Variants in TRHDE observed in about 807,000 individuals in gnomAD.
TRHDE encodes the protein thyrotropin-releasing hormone-degrading ectoenzyme.
TRHDE carries 72 observed loss-of-function variants against 125.7 expected under a neutral mutation model. The observed-to-expected ratio is 0.57, with a 90% CI of 0.47 to 0.70. The LOEUF (loss-of-function observed/expected upper bound fraction) is 0.70, where lower values mean the gene tolerates loss of function less well. Ranked by LOEUF, TRHDE falls within the 30% of genes least tolerant of loss-of-function variation. The pLI, the probability that TRHDE is intolerant of heterozygous loss-of-function variation, is 0.00. For synonymous variants in TRHDE, 509 were observed against 509.1 expected, an observed-to-expected ratio of 1.00 and a Z score of 0.00; for missense variants, 1,110 against 1,327.1, an observed-to-expected ratio of 0.84 and a Z score of 2.54.
chr12:72,504,270 T>C (rs1019551802), intron 6 of TRHDE, among the ~76,000 whole-genome samples: 1 of 151,992 alleles, frequency 6.6e-6, no homozygotes, highest in Admixed American at 6.6e-5. Flanking sequence ...AAGCTGGATA[T>C]GAACTTGGAA....
At chr12:72,274,531 C>A (rs925618968) in intron 1 of TRHDE, 3 of 152,204 alleles carry the variant, frequency 2.0e-5, no homozygotes, top group Admixed American at 2.0e-4. Context: ...CCTGACATGA[C>A]TACTTCTAGT....
At chr12:72,161,920 A>C (rs1021895011) in intron 2 of TRHDE, among the ~76,000 whole-genome samples, 9 of 152,226 alleles carry the variant, frequency 5.9e-5, no homozygotes, top group African/African-American at 1.9e-4. Context: ...AGTATATTGC[A>C]TATTATGCCT....
chr12:72,643,250 A>AG (rs1467416158), intron 15 of TRHDE, among the ~76,000 whole-genome samples: 1 of 152,186 alleles, frequency 6.6e-6, no homozygotes, highest in African/African-American at 2.4e-5. Flanking sequence ...TGATATTTTG[A>AG]GGATTTGTAG....
intron 2 of TRHDE, among the ~76,000 whole-genome samples, chr12:72,293,799 G>A (rs1432116974): frequency 6.6e-6 from 1 of 152,130 alleles, no homozygotes; most frequent in African/African-American, 2.4e-5. Flanking sequence ...GTGCCAGCTG[G>A]GCTCATTTCG....
chr12:72,361,443 A>G (rs1326604787), intron 2 of TRHDE, among the ~76,000 whole-genome samples: 1 of 151,938 alleles, frequency 6.6e-6, no homozygotes, highest in Non-Finnish European at 1.5e-5. Context: ...AAAGATAAAA[A>G]ATATCCAAAG....
chr12:72,514,496 G>A (rs1481249806), intron 6 of TRHDE, among the ~76,000 whole-genome samples: 1 of 151,920 alleles, frequency 6.6e-6, no homozygotes, highest in African/African-American at 2.4e-5. Context: ...GCTAAAGAGA[G>A]AATTATAACC....
At chr12:72,561,015 C>T (rs568930088) in intron 7 of TRHDE, among the ~76,000 whole-genome samples, 1 of 152,136 alleles carries the variant, frequency 6.6e-6, no homozygotes, top group Non-Finnish European at 1.5e-5. Context: ...AATTAGGATT[C>T]AGAATGGTTA....
At chr12:72,221,739 A>G (rs1347668202) in intron 2 of TRHDE, among the ~76,000 whole-genome samples, 1 of 152,114 alleles carries the variant, frequency 6.6e-6, no homozygotes, top group African/African-American at 2.4e-5. Flanking sequence ...GGGGAAAAAA[A>G]CCAAATTTAG....
At chr12:72,126,272 G>A (rs764214057) in intron 2 of TRHDE, among the ~76,000 whole-genome samples, 11 of 152,018 alleles carry the variant, frequency 7.2e-5, no homozygotes, top group Non-Finnish European at 1.5e-4. Flanking sequence ...GTTAAAAATG[G>A]CCTTACTGCC....
chr12:72,256,935 G>A (rs1878831959), intron 2 of TRHDE: 1 of 152,232 alleles, frequency 6.6e-6, no homozygotes, highest in African/African-American at 2.4e-5. Context: ...ATGGCACCAT[G>A]TGAAATGACC....
At chr12:72,152,468 T>C (rs1876391473) in intron 2 of TRHDE, among the ~76,000 whole-genome samples, 1 of 152,152 alleles carries the variant, frequency 6.6e-6, no homozygotes, top group Non-Finnish European at 1.5e-5. Context: ...CATCCCTGTC[T>C]TGTGCCAGTT....
At position 72,383,786 on chromosome 12, in the gene TRHDE, A is replaced by T. The variant is rs559692586; in HGVS notation, c.1315+5665A>T. ...CTCAGTGACTAAGTAATATGTTTTGACCACACAGCAGAAAACATAGATTTG... is the reference window on the plus strand; with the variant it reads ...CTCAGTGACTAAGTAATATGTTTTGTCCACACAGCAGAAAACATAGATTTG... On this transcript the variant is annotated intron_variant, in intron 3 of 18. Coordinates refer to ENST00000261180, the MANE Select transcript of TRHDE (RefSeq NM_013381.3). Among the ~76,000 whole-genome samples, 20 of 147,082 alleles carry T rather than the reference A, an allele frequency of 1.4e-4. 1 individual carries two copies. The South Asian group carries it at 3.9e-3, about 28-fold the overall frequency.
chr12:72,578,065 A>G (rs1252340923), intron 12 of TRHDE, among the ~76,000 whole-genome samples: 1 of 152,166 alleles, frequency 6.6e-6, no homozygotes, highest in Non-Finnish European at 1.5e-5. Flanking sequence ...TTCAGTCTAT[A>G]TCAACCTTCT....
At chr12:72,398,756 T>C (rs988218767) in intron 3 of TRHDE, among the ~76,000 whole-genome samples, 1 of 152,226 alleles carries the variant, frequency 6.6e-6, no homozygotes, top group Non-Finnish European at 1.5e-5. Flanking sequence ...AAGCAGAGCT[T>C]CTCTGGTTAA....
At chr12:72,496,832 A>T (rs1877939928) in intron 5 of TRHDE, among the ~76,000 whole-genome samples, 1 of 152,154 alleles carries the variant, frequency 6.6e-6, no homozygotes, top group African/African-American at 2.4e-5. Flanking sequence ...TTTGATGATG[A>T]TGAGAGCCCC....
chr12:72,360,479 C>T (rs1871017718), intron 2 of TRHDE, among the ~76,000 whole-genome samples: 2 of 151,688 alleles, frequency 1.3e-5, no homozygotes, highest in Admixed American at 6.6e-5. Context: ...AGTCAATAAA[C>T]ATATAAAATG....
intron 2 of TRHDE, among the ~76,000 whole-genome samples, chr12:72,231,366 C>T (rs943300562): frequency 1.3e-5 from 2 of 152,186 alleles, no homozygotes; most frequent in Admixed American, 1.3e-4. Context: ...ACATATTATG[C>T]AGTATTGACA....
intron 12 of TRHDE, among the ~76,000 whole-genome samples, chr12:72,591,743 A>AT (rs939066241): frequency 9.3e-5 from 14 of 149,962 alleles, no homozygotes; most frequent in African/African-American, 3.2e-4. Flanking sequence ...GTCTTGAAGA[A>AT]TTTTTTTTAT....
chr12:72,188,680 C>A (rs1007179426), intron 2 of TRHDE, among the ~76,000 whole-genome samples: 1 of 152,174 alleles, frequency 6.6e-6, no homozygotes, highest in African/African-American at 2.4e-5. Flanking sequence ...GCCACATCAT[C>A]CAGTCTTTCA....
Sources: allele counts gnomAD v4.1 joint callset (sites outside exome capture counted in the v4.1 genomes callset), GRCh38; gene constraint gnomAD v4.1.1; transcripts MANE v1.5; gene names NCBI Gene and HGNC (gene_info 2026-07-23, HGNC 2026-07-21).